The following UNC13C variants were observed in gnomAD, a reference collection of about 807,000 sequenced individuals.
UNC13C encodes the protein protein unc-13 homolog C.
Under a neutral mutation model 245.4 loss-of-function variants are expected in UNC13C, and 174 were observed. The observed-to-expected ratio is 0.71, with a 90% confidence interval of 0.63 to 0.80. The LOEUF (loss-of-function observed/expected upper bound fraction) is 0.80, where lower values mean the gene tolerates loss of function less well. UNC13C is among the 30% of genes least tolerant of loss of function. UNC13C has a pLI of 0.00. For missense variants in UNC13C, 2,829 were observed against 2,602.9 expected (o/e 1.09, Z -1.89); for synonymous variants, 992 against 895.1 (o/e 1.11, Z -1.93).
intron 22 of UNC13C, among the ~76,000 whole-genome samples, chr15:54,501,266 G>C (rs763813190): frequency 6.6e-6 from 1 of 152,040 alleles, no homozygotes; most frequent in African/African-American, 2.4e-5. Context: ...TTCAAATGTG[G>C]TGTTTTCTAG....
chr15:54,290,070 T>C (rs1285430221), intron 10 of UNC13C, among the ~76,000 whole-genome samples: 1 of 152,056 alleles, frequency 6.6e-6, no homozygotes, highest in Non-Finnish European at 1.5e-5. Context: ...TTCAAACCCA[T>C]CACAACACCC....
chr15:54,607,035 GA>G (rs961682073), intron 30 of UNC13C, among the ~76,000 whole-genome samples: 6 of 151,904 alleles, frequency 3.9e-5, no homozygotes, highest in East Asian at 3.9e-4. Context: ...GGTTTTGTGG[GA>G]AAAAAAATTG....
At chr15:54,095,383 C>A (rs1899801449) in intron 2 of UNC13C, among the ~76,000 whole-genome samples, 1 of 152,166 alleles carries the variant, frequency 6.6e-6, no homozygotes, top group Non-Finnish European at 1.5e-5. Context: ...CCTCTAAACT[C>A]CAGGATCCTT....
At chr15:54,469,840 C>T (rs1892363932) in intron 19 of UNC13C, among the ~76,000 whole-genome samples, 1 of 151,486 alleles carries the variant, frequency 6.6e-6, no homozygotes, top group Non-Finnish European at 1.5e-5. Flanking sequence ...TTCCTGAGAT[C>T]AGAGGAGAAG....
intron 2 of UNC13C, among the ~76,000 whole-genome samples, chr15:54,098,376 T>A (rs1022858636): frequency 9.9e-5 from 15 of 152,136 alleles, no homozygotes; most frequent in African/African-American, 3.6e-4. Context: ...GGTTTCACCA[T>A]GTTGGCCAGG....
At chr15:54,521,562 T>C (rs1274097174) in intron 24 of UNC13C, among the ~76,000 whole-genome samples, 2 of 152,318 alleles carry the variant, frequency 1.3e-5, no homozygotes, top group Non-Finnish European at 2.9e-5. Flanking sequence ...AGAGAATATA[T>C]AACATGTATT....
chr15:54,352,209 G>A (rs1054162302), intron 17 of UNC13C, among the ~76,000 whole-genome samples: 7 of 150,322 alleles, frequency 4.7e-5, no homozygotes, highest in Non-Finnish European at 8.9e-5. Context: ...AGGAAATACT[G>A]ATGTAGTTAT....
chr15:54,588,982 G>T (rs2414324), intron 30 of UNC13C, among the ~76,000 whole-genome samples: 83,309 of 151,914 alleles, frequency 0.55, 23,104 homozygotes, highest in East Asian at 0.71. Context: ...TGACTTCTTT[G>T]CCTTTGGGTA....
intron 19 of UNC13C, among the ~76,000 whole-genome samples, chr15:54,476,754 C>G (rs1419898002): frequency 1.4e-5 from 2 of 147,398 alleles, no homozygotes; most frequent in Non-Finnish European, 3.0e-5. Flanking sequence ...ATGCCTCCAG[C>G]TTTGTTCTTT....
chr15:54,593,532 C>G (rs184820014), intron 30 of UNC13C, among the ~76,000 whole-genome samples: 1 of 151,958 alleles, frequency 6.6e-6, no homozygotes, highest in Admixed American at 6.6e-5. Flanking sequence ...TTTTCTTATT[C>G]TTTTTGTCTT....
Position 54,610,320 on chromosome 15 carries a change from C to A in UNC13C, c.6107-12007C>A, listed in dbSNP as rs552123034. 4.6e-5 allele frequency among the ~76,000 whole-genome samples: 7 copies of A among 152,178 alleles called. No homozygotes were observed. In the South Asian group the frequency reaches 1.5e-3, roughly 32 times the overall value. On this transcript the variant is annotated intron_variant, in intron 30 of 32. Transcript: ENST00000260323. ...GCGCGATCTCGGCTCACTTCAGCCT[C>A]CGCCTTCCGGGTTCAGCAATTCTCC...
At chr15:54,324,301 G>T (rs1226948916) in intron 14 of UNC13C, among the ~76,000 whole-genome samples, 3 of 151,950 alleles carry the variant, frequency 2.0e-5, no homozygotes, top group African/African-American at 7.2e-5. Context: ...ACAATTATAT[G>T]CTCCCTTCTT....
At position 54,626,967 on chromosome 15, in the gene UNC13C, G is replaced by C; in HGVS notation, c.6499G>C (p.Ala2167Pro). The change falls in exon 33 of 33, where the codon GCA becomes CCA. Residue 2167 changes from alanine to proline, a missense_variant. Ala to Pro is a conservative substitution (Grantham distance 27, BLOSUM62 -1). Transcript: ENST00000260323. ...QNIAEKGSYG[A>P]WYPLLKNISM... is the part of the protein sequence containing the mutation. ...CATAGCAGAAAAGGGAAGCTATGGG[G>C]CATGGTATCCTCTTCTGAAAAATAT... 1 of 1,613,466 alleles carries C rather than the reference G, an allele frequency of 6.2e-7. No individual in the cohort carries two copies. The highest frequency in any genetic ancestry group is 1.1e-5 in the South Asian group (1 of 91,072).
chr15:53,890,395 C>A, the UNC13C span, among the ~76,000 whole-genome samples: 1 of 152,160 alleles, frequency 6.6e-6, no homozygotes, highest in African/African-American at 2.4e-5. Flanking sequence ...CCCGCCATGG[C>A]CTCCCAAAGT....
At chr15:54,406,332 A>G (rs1273091968) in intron 18 of UNC13C, among the ~76,000 whole-genome samples, 2 of 152,092 alleles carry the variant, frequency 1.3e-5, no homozygotes, top group African/African-American at 4.8e-5. Context: ...TTTCCTTTTG[A>G]TATAGGAGCA....
intron 1 of UNC13C, among the ~76,000 whole-genome samples, chr15:53,982,009 G>A (rs1474863540): frequency 6.6e-6 from 1 of 152,070 alleles, no homozygotes; most frequent in Admixed American, 6.5e-5. Context: ...AAACAGTTAA[G>A]AAAATATTTT....
chr15:54,546,749 GA>G lies in UNC13C; in HGVS notation c.5728del (p.Thr1910GlnfsTer3). 1.3e-6 allele frequency: 2 copies of G among 1,520,684 alleles called. No homozygotes were observed. Among genetic ancestry groups the G allele is most frequent in the Admixed American group, 2.2e-5 (1 of 46,070 alleles). The allele number at this position is 1,520,684 out of a possible 1,614,324, so 94.2% of individuals were successfully genotyped here. On this transcript the variant is annotated frameshift_variant, in exon 27 of 33. Transcript: ENST00000260323. LOFTEE classifies it high-confidence loss of function. ...TLSLSAKICE[K>X]TVLKRVLKEL... ...TAAGTCTCTCAGCAAAAATCTGTGA[GA>G]AAACAGTCCTAAAGCGAGTTTTAAA...
At chr15:54,432,717 A>G (rs1022449157) in intron 19 of UNC13C, among the ~76,000 whole-genome samples, 3 of 151,996 alleles carry the variant, frequency 2.0e-5, no homozygotes, top group Non-Finnish European at 2.9e-5. Flanking sequence ...ACAAATTCAA[A>G]AGCTAGCAGA....
chr15:54,427,150 G>T (rs960883905), intron 19 of UNC13C, among the ~76,000 whole-genome samples: 3 of 151,724 alleles, frequency 2.0e-5, no homozygotes, highest in Admixed American at 6.6e-5. Flanking sequence ...AAATGTATAT[G>T]ATATGGTTTG....
Sources: allele counts gnomAD v4.1 joint callset (sites outside exome capture counted in the v4.1 genomes callset), GRCh38; gene constraint gnomAD v4.1.1; transcripts MANE v1.5; gene names NCBI Gene and HGNC (gene_info 2026-07-23, HGNC 2026-07-21).